HMCN2: variants seen among roughly 807,000 people sequenced by gnomAD.
The protein encoded by HMCN2 is hemicentin 2.
Under a neutral mutation model 377.5 loss-of-function variants are expected in HMCN2, and 325 were observed. That is an observed-to-expected ratio of 0.86 (90% CI 0.79 to 0.94). The LOEUF is 0.94. Among genes scored for constraint, HMCN2 ranks in the 40% least tolerant of loss-of-function variants. The pLI is 0.00. For synonymous variants in HMCN2, 2,007 were observed against 2,046.8 expected, an observed-to-expected ratio of 0.98 and a Z score of 0.53; for missense variants, 4,543 against 4,725.3, an observed-to-expected ratio of 0.96 and a Z score of 1.13.
intron 4 of HMCN2, among the ~76,000 whole-genome samples, chr9:130,291,818 A>G (rs1376076089): frequency 6.6e-6 from 1 of 152,208 alleles, no homozygotes; most frequent in Non-Finnish European, 1.5e-5. Flanking sequence ...CTGTCTTCAA[A>G]CTGTCTTTGA....
intron 22 of HMCN2, among the ~76,000 whole-genome samples, chr9:130,333,424 T>C (rs935844448): frequency 1.3e-5 from 2 of 152,202 alleles, no homozygotes; most frequent in Non-Finnish European, 2.9e-5. Context: ...TGGGCAGCCC[T>C]CTGCCCCCTG....
chr9:130,312,237 G>T (rs984628897), intron 15 of HMCN2, among the ~76,000 whole-genome samples: 3 of 152,064 alleles, frequency 2.0e-5, no homozygotes, highest in African/African-American at 7.2e-5. Flanking sequence ...TGGGCCTGGC[G>T]CTGCTTACGT....
intron 1 of HMCN2, among the ~76,000 whole-genome samples, chr9:130,283,915 C>A (rs1835277250): frequency 6.8e-6 from 1 of 148,080 alleles, no homozygotes; most frequent in Non-Finnish European, 1.5e-5. Flanking sequence ...GTTTTCATTT[C>A]TCTTGGGGAC....
At chr9:130,321,265 G>A (rs1837837021) in intron 18 of HMCN2, among the ~76,000 whole-genome samples, 1 of 152,118 alleles carries the variant, frequency 6.6e-6, no homozygotes. Flanking sequence ...TGAGCTGTGC[G>A]GTTTCCTATC....
At chr9:130,339,978 C>G (rs1418275141) in intron 23 of HMCN2, among the ~76,000 whole-genome samples, 1 of 152,232 alleles carries the variant, frequency 6.6e-6, no homozygotes, top group Non-Finnish European at 1.5e-5. Context: ...TTTGGCCCCG[C>G]AGGGGCCTGG....
At chr9:130,356,301 TG>T in intron 34 of HMCN2, 44 bp downstream of exon 34, 1 of 1,259,926 alleles carries the variant, frequency 7.9e-7, no homozygotes, top group Non-Finnish European at 1.0e-6. Flanking sequence ...CAGCCTGAGA[TG>T]CCAGGGGTGG....
chr9:130,335,730 C>T (rs1838710490), intron 22 of HMCN2, among the ~76,000 whole-genome samples: 1 of 152,090 alleles, frequency 6.6e-6, no homozygotes, highest in Non-Finnish European at 1.5e-5. Context: ...GGCTCGAGGT[C>T]AGCCTGTAAG....
rs753543108 is a variant in HMCN2 at position 130,369,497 on chromosome 9, G to A, written c.6788-73G>A. ...AAGGGGAGAGGGTGTGTCCCTATTG[G>A]GCCCGGGGTAAGTGTGTGGTGCCTG... On this transcript the variant is annotated intron_variant, in intron 44 of 97. Transcript: ENST00000683500. The surrounding 1 kb of genome is among the most constrained non-coding windows in gnomAD (Gnocchi z 4.5). 1.1e-6 allele frequency: 1 copy of A among 882,918 alleles called. No homozygotes were observed. Among genetic ancestry groups the A allele is most frequent in the Non-Finnish European group, 1.4e-6 (1 of 736,040 alleles). The allele number at this position is 882,918 out of a possible 1,614,324, so 54.7% of individuals were successfully genotyped here.
Position 130,351,705 on chromosome 9 carries a change from G to A in HMCN2, c.4585+128G>A. 1 of 653,758 alleles carries A rather than the reference G, an allele frequency of 1.5e-6. No homozygotes were observed. Among genetic ancestry groups the A allele is most frequent in the Admixed American group, 3.6e-5 (1 of 27,588 alleles). 40.5% of individuals were successfully genotyped at this position (653,758 alleles called of 1,614,324 possible). ...CCTGGTGAGTGATCCCTGAGTCCAAGAAAGCTGGGGGCTGGGGTCGGGGTT... is the reference window on the plus strand; with the variant it reads ...CCTGGTGAGTGATCCCTGAGTCCAAAAAAGCTGGGGGCTGGGGTCGGGGTT... On this transcript the variant is annotated intron_variant, in intron 30 of 97. Coordinates refer to ENST00000683500, the MANE Select transcript of HMCN2 (RefSeq NM_001291815.2). The surrounding 1 kb of genome is among the most constrained non-coding windows in gnomAD (Gnocchi z 5.4).
intron 84 of HMCN2, 51 bp from the exon 85 acceptor site, chr9:130,410,520 A>G (rs1843352888): frequency 6.6e-7 from 1 of 1,514,840 alleles, no homozygotes; most frequent in Admixed American, 2.0e-5. Context: ...TGTCTGAGCC[A>G]CTCATCTTCT....
chr9:130,390,629 G>A (rs1235772597), intron 62 of HMCN2, among the ~76,000 whole-genome samples: 1 of 152,230 alleles, frequency 6.6e-6, no homozygotes, highest in Non-Finnish European at 1.5e-5. Context: ...TCAGTGAGGG[G>A]CTGGTTTGAC....
chr9:130,342,833 C>T (rs1040743995), intron 25 of HMCN2, among the ~76,000 whole-genome samples: 7 of 152,148 alleles, frequency 4.6e-5, no homozygotes, highest in Non-Finnish European at 8.8e-5. Context: ...CCTGACTTTC[C>T]CACAGAGGAT....
intron 83 of HMCN2, 139 bp downstream of exon 83, chr9:130,407,844 G>T: frequency 1.7e-6 from 1 of 574,750 alleles, no homozygotes; most frequent in Non-Finnish European, 2.4e-6. Context: ...GAATCCCCTG[G>T]GGGACTTTAA....
At chr9:130,332,381 C>T (rs1463652229) in intron 22 of HMCN2, among the ~76,000 whole-genome samples, 1 of 152,224 alleles carries the variant, frequency 6.6e-6, no homozygotes, top group East Asian at 1.9e-4. Flanking sequence ...AGGACCACAC[C>T]TCCGGAGGCT....
Position 130,433,409 on chromosome 9 carries a change from C to A in HMCN2, c.14956C>A (p.Arg4986=). 2.0e-6 allele frequency: 3 copies of A among 1,492,922 alleles called. No homozygotes were observed. Among genetic ancestry groups the A allele is most frequent in the Non-Finnish European group, 2.7e-6 (3 of 1,129,524 alleles). 92.5% of individuals were successfully genotyped at this position (1,492,922 alleles called of 1,614,324 possible). ...GGGCGGCCCCTCTACGCTGCAGTACCGGCTGCTGCCGCTGCCCCTGGGCGT... is the reference window on the plus strand; with the variant it reads ...GGGCGGCCCCTCTACGCTGCAGTACAGGCTGCTGCCGCTGCCCCTGGGCGT... ...GTGGPSTLQY[R]LLPLPLGVRA... is the part of the protein sequence containing the mutation. Residue 4986 remains arginine, a synonymous_variant, in exon 98 of 98, where the codon CGG becomes AGG. Transcript: ENST00000683500.
rs759164432 is a variant in HMCN2, at chr9:130,351,523, G to A, written c.4531G>A (p.Val1511Met). The A allele has an allele frequency of 1.4e-5, 18 of 1,304,240 alleles. No individual in the cohort carries two copies. The highest frequency in any genetic ancestry group is 6.9e-5 in the Admixed American group (3 of 43,564). The allele number at this position is 1,304,240 out of a possible 1,614,324, so 80.8% of individuals were successfully genotyped here. A position where few individuals can be genotyped will look rare whatever the true frequency, so the allele number is the denominator to read the frequency against. ...GGGGGATGAGGGACGATACCAGTGCGTGGCCTTCAGCCCAGCTGGTCAGCA... is the reference window on the plus strand; with the variant it reads ...GGGGGATGAGGGACGATACCAGTGCATGGCCTTCAGCCCAGCTGGTCAGCA... ...HVGDEGRYQC[V>M]AFSPAGQQAR... The change falls in exon 30 of 98, where the codon GTG (valine) becomes ATG (methionine). Residue 1511 changes from valine to methionine, a missense_variant. Val to Met is a conservative substitution (Grantham distance 21). Around this residue, in one of 5 missense-constraint regions of HMCN2, gnomAD observed 1,032 missense variants for 1,285.1 expected, o/e 0.80. Coordinates refer to ENST00000683500, the MANE Select transcript of HMCN2 (RefSeq NM_001291815.2). The surrounding 1 kb of genome is among the most constrained non-coding windows in gnomAD (Gnocchi z 5.4).
intron 13 of HMCN2, 42 bp from the exon 14 acceptor site, chr9:130,307,411 T>C (rs549153345): frequency 3.2e-5 from 15 of 470,052 alleles, no homozygotes; most frequent in South Asian, 1.7e-4. Context: ...CTTTATGACC[T>C]TTGAAGGTTG....
chr9:130,340,738 A>C (rs1271556472), intron 23 of HMCN2, among the ~76,000 whole-genome samples: 1 of 152,152 alleles, frequency 6.6e-6, no homozygotes, highest in Non-Finnish European at 1.5e-5. Context: ...GGCTGGTCTC[A>C]AACGCCTGAC....
rs1554923836 is a variant in HMCN2, at chr9:130,277,902, C to G, written c.260-6701C>G. Among the ~76,000 whole-genome samples the G allele has an allele frequency of 9.7e-5, 3 of 30,972 alleles. 1 individual carries two copies. Among genetic ancestry groups the G allele is most frequent in the Admixed American group, 8.1e-4 (2 of 2,462 alleles). The allele number at this position is 30,972 out of a possible 152,430, so 20.3% of individuals were successfully genotyped here. On this transcript the variant is annotated intron_variant, in intron 1 of 97. Transcript: ENST00000683500. ...CCACCATCATCATCACCACCACCAT[C>G]ATCATCACCACCACCACCATCATCA...
Sources: gnomAD v4.1 joint callset for allele counts (sites outside exome capture counted in the v4.1 genomes callset) on GRCh38, gnomAD v4.1.1 for gene constraint, gnomAD v4.1.1 regional missense constraint, Gnocchi (gnomAD v3.1) non-coding constraint, MANE v1.5 for transcripts, NCBI Gene and HGNC (gene_info 2026-07-23, HGNC 2026-07-21) for gene names.